MSN: variants seen among roughly 807,000 people sequenced by gnomAD.
MSN encodes moesin.
In MSN, 2 loss-of-function variants were observed where a neutral mutation model predicts 48.0. The observed-to-expected ratio is 0.04, with a 90% CI of 0.02 to 0.13. The LOEUF (loss-of-function observed/expected upper bound fraction) is 0.13. MSN is among the 10% of genes least tolerant of loss of function. The pLI is 1.00. For synonymous variants in MSN, 146 were observed against 166.9 expected (o/e 0.87, Z 0.97); for missense variants, 267 against 470.1 (o/e 0.57, Z 3.99).
At chrX:65,670,353 G>A (rs1335301877) in intron 1 of MSN, among the ~76,000 whole-genome samples, 1 of 111,974 alleles carries the variant, frequency 8.9e-6, no homozygotes, top group East Asian at 2.8e-4. Flanking sequence ...ATTGCAGCAT[G>A]TCTACAACCT....
rs149950376 is a variant in MSN, at chrX:65,674,387, T to A, written c.12+6534T>A. ...ACTGGACTTGGCTGTCTTAGAAGGATGACTCCACCCAGAGAGCACAGACTT... is the reference window on the plus strand; with the variant it reads ...ACTGGACTTGGCTGTCTTAGAAGGAAGACTCCACCCAGAGAGCACAGACTT... On this transcript the variant is annotated intron_variant, in intron 1 of 12. Transcript: ENST00000360270. Among the ~76,000 whole-genome samples the A allele has an allele frequency of 3.2e-3, 353 of 111,903 alleles. 1 individual carries two copies. Among genetic ancestry groups the A allele is most frequent in the African/African-American group, 0.011 (338 of 30,776 alleles).
intron 1 of MSN, among the ~76,000 whole-genome samples, chrX:65,614,854 C>T (rs1433184341): frequency 1.7e-5 from 1 of 57,894 alleles, no homozygotes; most frequent in South Asian, 1.9e-3. Flanking sequence ...TCCCTCCCCC[C>T]TCCCCCCACC....
chrX:65,644,474 G>C (rs1408195974), intron 1 of MSN, among the ~76,000 whole-genome samples: 1 of 111,637 alleles, frequency 9.0e-6, no homozygotes, highest in African/African-American at 3.3e-5. Flanking sequence ...CGTCGTCTCA[G>C]AACTGCGTAT....
intron 1 of MSN, among the ~76,000 whole-genome samples, chrX:65,673,330 T>G (rs2070961290): frequency 8.9e-6 from 1 of 111,831 alleles, no homozygotes; most frequent in African/African-American, 3.3e-5. Context: ...GTTTCAGATT[T>G]TCTTCTAACA....
intron 2 of MSN, among the ~76,000 whole-genome samples, chrX:65,724,661 G>A (rs1315066102): frequency 9.8e-6 from 1 of 102,153 alleles, no homozygotes; most frequent in Non-Finnish European, 1.9e-5. Flanking sequence ...TCCATTTTAT[G>A]TTTGTTTTGT....
At chrX:65,622,626 C>T (rs138750511) in intron 1 of MSN, among the ~76,000 whole-genome samples, 1,916 of 105,683 alleles carry the variant, frequency 0.018, 58 homozygotes, top group African/African-American at 0.063. Context: ...AAGTGATTCT[C>T]TTGCCTCAGC....
chrX:65,724,420 A>G (rs1472504721), intron 2 of MSN, among the ~76,000 whole-genome samples: 1 of 111,260 alleles, frequency 9.0e-6, no homozygotes, highest in Admixed American at 9.5e-5. Flanking sequence ...CTGGCATTAT[A>G]GGCATGAGCC....
At chrX:65,598,915 C>T (rs937579831) in intron 1 of MSN, among the ~76,000 whole-genome samples, 2 of 111,770 alleles carry the variant, frequency 1.8e-5, no homozygotes, top group African/African-American at 6.5e-5. Flanking sequence ...TTACACAGCA[C>T]TTTTGGGAGA....
chrX:65,632,027 A>C (rs1055024451), intron 1 of MSN, among the ~76,000 whole-genome samples: 1 of 112,017 alleles, frequency 8.9e-6, no homozygotes, highest in South Asian at 3.7e-4. Context: ...ATTCCTGTAC[A>C]GGTTTTCTTG....
At chrX:65,593,332 C>T (rs1198778562) in intron 1 of MSN, 1 of 111,135 alleles carries the variant, frequency 9.0e-6, no homozygotes, top group African/African-American at 3.3e-5. Context: ...AGCAACTAGT[C>T]TGGACTGGGA....
At chrX:65,663,475 C>T (rs1161607966), upstream of MSN, among the ~76,000 whole-genome samples, 5 of 110,918 alleles carry the variant, frequency 4.5e-5, no homozygotes, top group Non-Finnish European at 9.4e-5. Flanking sequence ...GCTGGCGAGG[C>T]TGTGGAGAAA....
At chrX:65,595,587 T>G (rs2070180719) in intron 1 of MSN, among the ~76,000 whole-genome samples, 1 of 111,947 alleles carries the variant, frequency 8.9e-6, no homozygotes, top group African/African-American at 3.3e-5. Flanking sequence ...CTACAGCAAG[T>G]GGTCTAGTTG....
intron 1 of MSN, among the ~76,000 whole-genome samples, chrX:65,657,758 G>A (rs936330950): frequency 1.8e-5 from 2 of 111,541 alleles, no homozygotes; most frequent in African/African-American, 3.3e-5. Flanking sequence ...GGGGTGATGC[G>A]AATCTTAAAA....
At chrX:65,621,843 C>A (rs1393210865) in intron 1 of MSN, among the ~76,000 whole-genome samples, 1 of 111,997 alleles carries the variant, frequency 8.9e-6, no homozygotes, top group East Asian at 2.8e-4. Context: ...AGTTGTTCAA[C>A]TCCTTGGTTA....
At chrX:65,630,161 A>G (rs2070544330) in intron 1 of MSN, among the ~76,000 whole-genome samples, 2 of 110,001 alleles carry the variant, frequency 1.8e-5, no homozygotes, top group South Asian at 7.8e-4. Flanking sequence ...CCTGGGTGAC[A>G]GAGCGAGCCT....
At chrX:65,701,067 A>T (rs1393275169) in intron 1 of MSN, among the ~76,000 whole-genome samples, 1 of 112,170 alleles carries the variant, frequency 8.9e-6, no homozygotes, top group Non-Finnish European at 1.9e-5. Context: ...TTCCAAGAGC[A>T]TCAAGGAAAG....
intron 8 of MSN, among the ~76,000 whole-genome samples, chrX:65,735,838 G>A (rs2071671141): frequency 8.9e-6 from 1 of 111,985 alleles, no homozygotes; most frequent in Admixed American, 9.5e-5. Flanking sequence ...AAATTATGTG[G>A]TACATAAGAT....
chrX:65,665,081 C>G (rs2070857045), upstream of MSN, among the ~76,000 whole-genome samples: 1 of 110,915 alleles, frequency 9.0e-6, no homozygotes, highest in Admixed American at 9.6e-5. Flanking sequence ...TCTTCAGCTA[C>G]TTGACACTCT....
intron 1 of MSN, among the ~76,000 whole-genome samples, chrX:65,668,978 G>A (rs767740406): frequency 1.8e-5 from 2 of 111,436 alleles, no homozygotes; most frequent in African/African-American, 6.5e-5. Context: ...CCCCTGGGAT[G>A]AGAGGAGGAG....
Sources: allele counts gnomAD v4.1 joint callset (sites outside exome capture counted in the v4.1 genomes callset), GRCh38; gene constraint gnomAD v4.1.1; transcripts MANE v1.5; gene names NCBI Gene and HGNC (gene_info 2026-07-23, HGNC 2026-07-21).